The following CCSER1 variants were observed in gnomAD, a reference collection of about 807,000 sequenced individuals.
CCSER1 encodes the protein coiled-coil serine rich protein 1, also known as serine-rich coiled-coil domain-containing protein 1.
In CCSER1, 41 loss-of-function variants were observed where a neutral mutation model predicts 82.0. That is an observed-to-expected ratio of 0.50 (90% confidence interval 0.39 to 0.65). The LOEUF (loss-of-function observed/expected upper bound fraction) is 0.65. Among genes scored for constraint, CCSER1 ranks in the 30% least tolerant of loss-of-function variants. The probability of loss-of-function intolerance (pLI) is 0.00; values close to 1 mark genes in which losing one functional copy is unlikely to be tolerated. For synonymous variants in CCSER1, 414 were observed against 383.9 expected, an observed-to-expected ratio of 1.08 and a Z score of -0.92; for missense variants, 1,119 against 1,064.2, an observed-to-expected ratio of 1.05 and a Z score of -0.72.
intron 6 of CCSER1, among the ~76,000 whole-genome samples, chr4:90,671,763 A>G (rs910124727): frequency 5.3e-5 from 8 of 152,056 alleles, no homozygotes; most frequent in Non-Finnish European, 1.5e-5. Flanking sequence ...CATCAGAGGA[A>G]TCACTATCTA....
chr4:90,780,049 A>G (rs1753536572), intron 7 of CCSER1, among the ~76,000 whole-genome samples: 1 of 152,154 alleles, frequency 6.6e-6, no homozygotes, highest in Non-Finnish European at 1.5e-5. Context: ...ATATAAGATA[A>G]TACATATAGG....
intron 1 of CCSER1, among the ~76,000 whole-genome samples, chr4:90,296,923 G>A (rs1300140362): frequency 6.6e-6 from 1 of 152,168 alleles, no homozygotes; most frequent in East Asian, 1.9e-4. Flanking sequence ...AAGTCAGGTA[G>A]CGTGATGCTT....
At chr4:90,978,876 T>A (rs1735850497) in intron 9 of CCSER1, among the ~76,000 whole-genome samples, 1 of 151,816 alleles carries the variant, frequency 6.6e-6, no homozygotes, top group African/African-American at 2.4e-5. Flanking sequence ...GCCCTTTGAA[T>A]ACCAGTTTCC....
At chr4:91,366,106 C>A (rs903592720) in intron 10 of CCSER1, among the ~76,000 whole-genome samples, 1 of 152,140 alleles carries the variant, frequency 6.6e-6, no homozygotes, top group Non-Finnish European at 1.5e-5. Flanking sequence ...GCAACCTCCG[C>A]CTCCCAGGTT....
chr4:90,453,141 G>T lies in CCSER1; in HGVS notation c.1604-15093G>T, dbSNP rs984857229. 6.6e-5 allele frequency among the ~76,000 whole-genome samples: 10 copies of T among 152,306 alleles called. No homozygotes were observed. The East Asian group carries it at 1.9e-3, about 29-fold the overall frequency. On this transcript the variant is annotated intron_variant, in intron 4 of 10. Coordinates refer to ENST00000509176, the MANE Select transcript of CCSER1 (RefSeq NM_001145065.2). ...GAATTCCTGAGGTAACACTGTCCAGGTTAACTGGGTGGCCTAGTTGGAGGA... is the reference window on the plus strand; with the variant it reads ...GAATTCCTGAGGTAACACTGTCCAGTTTAACTGGGTGGCCTAGTTGGAGGA...
chr4:91,021,686 A>G lies in CCSER1; in HGVS notation c.2173-64264A>G, dbSNP rs544110466. ...ATTGACCATCTACTATGTCCCAGAA[A>G]CTGTAAAAGACATAGGAACAAATGA... On this transcript the variant is annotated intron_variant, in intron 9 of 10. Coordinates refer to ENST00000509176, the MANE Select transcript of CCSER1 (RefSeq NM_001145065.2). Among the ~76,000 whole-genome samples the G allele has an allele frequency of 2.6e-5, 4 of 152,318 alleles. No homozygotes were observed. In the South Asian group the frequency reaches 8.3e-4, roughly 32 times the overall value.
intron 8 of CCSER1, among the ~76,000 whole-genome samples, chr4:90,911,773 T>C (rs1726409924): frequency 6.6e-6 from 1 of 152,112 alleles, no homozygotes; most frequent in South Asian, 2.1e-4. Flanking sequence ...ATCGGGTCAC[T>C]CCCAACCTAA....
At position 90,769,323 on chromosome 4, in the gene CCSER1, G is replaced by A. The variant is rs1278345767; in HGVS notation, c.2010+45332G>A. Among the ~76,000 whole-genome samples the A allele has an allele frequency of 3.9e-5, 6 of 152,168 alleles. No homozygotes were observed. In the South Asian group the frequency reaches 1.0e-3, roughly 26 times the overall value. ...AAACATTTTCAGCTTGAACAAAGTG[G>A]GGAACAGAGACAGTTTAGAATTAGA... On this transcript the variant is annotated intron_variant, in intron 7 of 10. Transcript: ENST00000509176.
intron 3 of CCSER1, among the ~76,000 whole-genome samples, chr4:90,333,702 T>G (rs1739816781): frequency 6.6e-6 from 1 of 152,162 alleles, no homozygotes; most frequent in Non-Finnish European, 1.5e-5. Flanking sequence ...AAATATAGAT[T>G]GGACAAGAAT....
At chr4:90,878,210 C>A (rs1720654590) in intron 8 of CCSER1, among the ~76,000 whole-genome samples, 1 of 152,136 alleles carries the variant, frequency 6.6e-6, no homozygotes, top group Admixed American at 6.5e-5. Context: ...ATAACATAGA[C>A]CATGCTATCT....
In CCSER1 at chr4:91,353,786, G is replaced by T. The variant is rs558365931; in HGVS notation, c.2218-244786G>T. 2.6e-5 allele frequency among the ~76,000 whole-genome samples: 4 copies of T among 152,294 alleles called. No homozygotes were observed. In the South Asian group the frequency reaches 8.3e-4, roughly 32 times the overall value. On this transcript the variant is annotated intron_variant, in intron 10 of 10. Transcript: ENST00000509176. The stretch of plus-strand genomic sequence containing the variant: ...AGAAATACAGGTATCAGACAAGGGA[G>T]CAGTAAGCAGGTTCCTATTACTATG...
At chr4:91,308,157 CAA>C (rs963550286) in intron 10 of CCSER1, among the ~76,000 whole-genome samples, 40 of 151,754 alleles carry the variant, frequency 2.6e-4, no homozygotes, top group African/African-American at 9.4e-4. Flanking sequence ...TAGATGAACG[CAA>C]AGAGATTTTA....
intron 10 of CCSER1, among the ~76,000 whole-genome samples, chr4:91,360,652 A>ATG (rs1560611585): frequency 7.2e-5 from 11 of 151,806 alleles, no homozygotes; most frequent in African/African-American, 2.2e-4. Flanking sequence ...AGCCAACAAG[A>ATG]CAGCCATAAC....
At position 90,612,250 on chromosome 4, in the gene CCSER1, G is replaced by T. The variant is rs187759633; in HGVS notation, c.1725-15775G>T. Among the ~76,000 whole-genome samples the T allele has an allele frequency of 1.2e-4, 18 of 152,128 alleles. No individual in the cohort carries two copies. The East Asian group carries it at 2.9e-3, about 25-fold the overall frequency. On this transcript the variant is annotated intron_variant, in intron 5 of 10. Coordinates refer to ENST00000509176, the MANE Select transcript of CCSER1 (RefSeq NM_001145065.2). ...TTAGAGAGAAACTATTGGGAACATT[G>T]GTGGAATACTAAAAAGATCATTATT...
intron 1 of CCSER1, among the ~76,000 whole-genome samples, chr4:90,219,674 T>C (rs559381196): frequency 2.0e-5 from 3 of 152,278 alleles, no homozygotes; most frequent in Admixed American, 1.3e-4. Context: ...ACTACTTGTA[T>C]TGGGCATATG....
chr4:90,567,307 ATTT>A (rs34947960), intron 5 of CCSER1, among the ~76,000 whole-genome samples: 4 of 138,718 alleles, frequency 2.9e-5, no homozygotes, highest in African/African-American at 7.8e-5. Context: ...TTGTCTCTGG[ATTT>A]TTTTTTTTTT....
At chr4:90,264,101 A>C (rs1193267751) in intron 1 of CCSER1, among the ~76,000 whole-genome samples, 1 of 152,150 alleles carries the variant, frequency 6.6e-6, no homozygotes, top group Non-Finnish European at 1.5e-5. Context: ...GTTAAAATAC[A>C]CCGTGGGCTT....
intron 10 of CCSER1, among the ~76,000 whole-genome samples, chr4:91,408,291 T>C (rs1752822243): frequency 6.6e-6 from 1 of 152,194 alleles, no homozygotes; most frequent in African/African-American, 2.4e-5. Flanking sequence ...TCTATGGAAA[T>C]AGTAAAATGA....
intron 10 of CCSER1, among the ~76,000 whole-genome samples, chr4:91,438,136 C>G (rs1231763147): frequency 6.6e-6 from 1 of 152,210 alleles, no homozygotes; most frequent in Non-Finnish European, 1.5e-5. Context: ...CAGTGGTTCT[C>G]CCAGCACACA....
Sources: gnomAD v4.1 joint callset for allele counts (sites outside exome capture counted in the v4.1 genomes callset) on GRCh38, gnomAD v4.1.1 for gene constraint, MANE v1.5 for transcripts, NCBI Gene and HGNC (gene_info 2026-07-23, HGNC 2026-07-21) for gene names.